ADK: variants seen among roughly 807,000 people sequenced by gnomAD.
ADK encodes N6,N6-dimethyladenosine kinase.
Under a neutral mutation model 44.7 loss-of-function variants are expected in ADK, and 24 were observed. The ratio of observed to expected loss-of-function variants is 0.54; its 90% CI spans 0.39 to 0.76. ADK has a LOEUF of 0.76. Among genes scored for constraint, ADK ranks in the 30% least tolerant of loss-of-function variants. The probability of loss-of-function intolerance (pLI) is 0.00; values close to 1 mark genes in which losing one functional copy is unlikely to be tolerated. For missense variants in ADK, 321 were observed against 425.1 expected, an observed-to-expected ratio of 0.76 and a Z score of 2.15; for synonymous variants, 128 against 142.6, an observed-to-expected ratio of 0.90 and a Z score of 0.73.
At chr10:74,697,276 C>G (rs1455872493) in intron 10 of ADK, among the ~76,000 whole-genome samples, 1 of 152,150 alleles carries the variant, frequency 6.6e-6, no homozygotes, top group Non-Finnish European at 1.5e-5. Context: ...CAGTGGCTCA[C>G]ACCTGTAATC....
chr10:74,629,745 A>C (rs1564826774), intron 9 of ADK, among the ~76,000 whole-genome samples: 1 of 152,216 alleles, frequency 6.6e-6, no homozygotes, highest in Non-Finnish European at 1.5e-5. Context: ...TGGTGATCAG[A>C]GAAACAATGT....
rs1854724442 is a variant in ADK, at chr10:74,661,467, T to C, written c.878-8716T>C. Among the ~76,000 whole-genome samples the C allele has an allele frequency of 2.0e-5, 3 of 152,346 alleles. No homozygotes were observed. The South Asian group carries it at 6.2e-4, about 32-fold the overall frequency. ...TAGTGATACCTTACTCATGTGAGAATTAGATGAGATAAAGTATACAAAGCA... is the reference window on the plus strand; with the variant it reads ...TAGTGATACCTTACTCATGTGAGAACTAGATGAGATAAAGTATACAAAGCA... On this transcript the variant is annotated intron_variant, in intron 9 of 10. Transcript: ENST00000539909.
At chr10:74,251,894 C>CTTTTTTT (rs566363104) in intron 3 of ADK, among the ~76,000 whole-genome samples, 19 of 99,390 alleles carry the variant, frequency 1.9e-4, no homozygotes, top group African/African-American at 2.4e-4. Flanking sequence ...GTGGCAGATA[C>CTTTTTTT]TTTTTTTTTT....
intron 7 of ADK, among the ~76,000 whole-genome samples, chr10:74,562,521 G>A (rs926411658): frequency 6.6e-6 from 1 of 152,158 alleles, no homozygotes; most frequent in African/African-American, 2.4e-5. Context: ...TACTCTCCTT[G>A]TCCTAACTTT....
At chr10:74,689,357 A>G (rs1181790313) in intron 10 of ADK, among the ~76,000 whole-genome samples, 1 of 152,198 alleles carries the variant, frequency 6.6e-6, no homozygotes, top group African/African-American at 2.4e-5. Context: ...TGTACTAAGT[A>G]GTTATAGTAC....
At chr10:74,609,662 A>G (rs988843088) in intron 9 of ADK, among the ~76,000 whole-genome samples, 6 of 152,122 alleles carry the variant, frequency 3.9e-5, no homozygotes, top group Admixed American at 6.6e-5. Context: ...TGGGAGGTGC[A>G]GACCGGAGCT....
intron 3 of ADK, among the ~76,000 whole-genome samples, chr10:74,300,366 T>C (rs146244956): frequency 2.8e-4 from 38 of 134,394 alleles, no homozygotes; most frequent in African/African-American, 1.0e-3. Context: ...TTCCTTTCTT[T>C]CTTTCTTCTT....
intron 7 of ADK, among the ~76,000 whole-genome samples, chr10:74,532,237 C>G (rs1849312564): frequency 6.6e-6 from 1 of 152,034 alleles, no homozygotes; most frequent in Non-Finnish European, 1.5e-5. Flanking sequence ...GTGGCTCATG[C>G]CTGCAATCCC....
intron 6 of ADK, among the ~76,000 whole-genome samples, chr10:74,472,162 C>T (rs904515386): frequency 6.6e-6 from 1 of 152,038 alleles, no homozygotes; most frequent in African/African-American, 2.4e-5. Flanking sequence ...GTGGTCATAC[C>T]ACTGCACTCC....
intron 7 of ADK, among the ~76,000 whole-genome samples, chr10:74,584,321 C>T (rs1160091919): frequency 1.3e-5 from 2 of 152,082 alleles, no homozygotes; most frequent in Non-Finnish European, 2.9e-5. Flanking sequence ...AACAATGCAA[C>T]GAAATAGGTA....
At chr10:74,359,204 TG>T (rs1221546144) in intron 4 of ADK, among the ~76,000 whole-genome samples, 1 of 152,236 alleles carries the variant, frequency 6.6e-6, no homozygotes, top group African/African-American at 2.4e-5. Context: ...AGTACCATGC[TG>T]TTTTGGTTAC....
At chr10:74,640,710 A>G (rs1301611996) in intron 9 of ADK, among the ~76,000 whole-genome samples, 2 of 152,358 alleles carry the variant, frequency 1.3e-5, no homozygotes, top group East Asian at 3.9e-4. Flanking sequence ...GCGTGAAAAC[A>G]GCTGTATATA....
chr10:74,425,815 A>G (rs886259535), intron 6 of ADK, among the ~76,000 whole-genome samples: 5 of 152,224 alleles, frequency 3.3e-5, no homozygotes, highest in African/African-American at 9.6e-5. Context: ...ATATACTTCA[A>G]AAAAAGATTC....
chr10:74,563,443 G>T (rs1850534424), intron 7 of ADK, among the ~76,000 whole-genome samples: 1 of 152,116 alleles, frequency 6.6e-6, no homozygotes, highest in Admixed American at 6.6e-5. Flanking sequence ...AATCTCTTCT[G>T]TGTTACTAGT....
intron 6 of ADK, among the ~76,000 whole-genome samples, chr10:74,476,284 G>A (rs1353758716): frequency 2.0e-5 from 3 of 151,962 alleles, no homozygotes; most frequent in African/African-American, 4.8e-5. Flanking sequence ...ACCTGAAGTC[G>A]GGAGTTCGAG....
intron 6 of ADK, among the ~76,000 whole-genome samples, chr10:74,468,498 T>C (rs1274006974): frequency 6.6e-6 from 1 of 152,220 alleles, no homozygotes; most frequent in Admixed American, 6.5e-5. Flanking sequence ...TACTCTTTGC[T>C]GATCAGTAGA....
At chr10:74,414,604 C>T (rs573894308) in intron 6 of ADK, among the ~76,000 whole-genome samples, 4 of 152,076 alleles carry the variant, frequency 2.6e-5, no homozygotes, top group African/African-American at 9.6e-5. Flanking sequence ...GGCGTGGTGG[C>T]GCATGCCTGT....
chr10:74,250,116 T>G (rs1845591651), intron 3 of ADK, among the ~76,000 whole-genome samples: 1 of 152,218 alleles, frequency 6.6e-6, no homozygotes, highest in Non-Finnish European at 1.5e-5. Flanking sequence ...ATGAGTAAGA[T>G]ACAACCTGGC....
intron 10 of ADK, among the ~76,000 whole-genome samples, chr10:74,676,256 A>G (rs1463619336): frequency 1.3e-5 from 2 of 152,046 alleles, no homozygotes; most frequent in African/African-American, 4.8e-5. Flanking sequence ...CAGCCTCCCA[A>G]ATAGCTAGAA....
Sources: allele counts gnomAD v4.1 joint callset (sites outside exome capture counted in the v4.1 genomes callset), GRCh38; gene constraint gnomAD v4.1.1; transcripts MANE v1.5; gene names NCBI Gene and HGNC (gene_info 2026-07-23, HGNC 2026-07-21).